Variants in PRDM4 observed in about 807,000 individuals in gnomAD.
PRDM4 encodes the protein PR domain zinc finger protein 4.
In PRDM4, 38 loss-of-function variants were observed where a neutral mutation model predicts 62.3. The observed-to-expected ratio is 0.61, with a 90% CI of 0.47 to 0.80. PRDM4 has a LOEUF of 0.80. PRDM4 is among the 30% of genes least tolerant of loss of function. The pLI, the probability that PRDM4 is intolerant of heterozygous loss-of-function variation, is 0.00. For synonymous variants in PRDM4, 339 were observed against 348.2 expected (o/e 0.97, Z 0.30); for missense variants, 858 against 997.1 (o/e 0.86, Z 1.88).
At chr12:107,736,393 A>C (rs1890330208) in intron 11 of PRDM4, among the ~76,000 whole-genome samples, 2 of 152,206 alleles carry the variant, frequency 1.3e-5, no homozygotes. Context: ...GGAGGGAAGA[A>C]GACATGCAGG....
chr12:107,743,885 T>A (rs181706780), intron 7 of PRDM4, among the ~76,000 whole-genome samples: 2 of 152,156 alleles, frequency 1.3e-5, no homozygotes, highest in East Asian at 3.9e-4. Flanking sequence ...GAGGCTGAGG[T>A]GGGCAGATCA....
At chr12:107,756,714 G>A in intron 3 of PRDM4, 118 bp downstream of exon 3, 1 of 1,243,632 alleles carries the variant, frequency 8.0e-7, no homozygotes, top group African/African-American at 1.5e-5. Flanking sequence ...ATTCAGGCCT[G>A]CTTACCTTCT....
chr12:107,751,415 A>C lies in PRDM4; in HGVS notation c.1126T>G (p.Trp376Gly). The C allele has an allele frequency of 6.2e-7, 1 of 1,601,398 alleles. No individual in the cohort carries two copies. Among genetic ancestry groups the C allele is most frequent in the Non-Finnish European group, 8.6e-7 (1 of 1,169,324 alleles). ...KENMATLFTI[W>G]CTLCDRAYPS... ...AAAAAGAAAGGCTAAACACACTCAC[A>C]AATTGTAAACAAGGTTGCCATGTTC... Residue 376 changes from tryptophan (W) to glycine (G), a missense_variant and splice_region_variant, in exon 5 of 12, where the codon TGG (tryptophan) becomes GGG (glycine). Transcript: ENST00000228437.
chr12:107,743,773 A>C (rs991344965), intron 7 of PRDM4, among the ~76,000 whole-genome samples: 1 of 152,222 alleles, frequency 6.6e-6, no homozygotes, highest in East Asian at 1.9e-4. Flanking sequence ...CATCATTCCC[A>C]ATAGATATCT....
chr12:107,744,521 G>A (rs1372560194), intron 7 of PRDM4, 22 bp downstream of exon 7: 1 of 1,598,330 alleles, frequency 6.3e-7, no homozygotes. Flanking sequence ...AAAAGCCACA[G>A]AAAAGTTTCA....
chr12:107,742,992 C>A (rs935879468), intron 8 of PRDM4, among the ~76,000 whole-genome samples: 1 of 152,106 alleles, frequency 6.6e-6, no homozygotes, highest in Non-Finnish European at 1.5e-5. Context: ...GTCTCGAACT[C>A]CTGGCCTCAA....
intron 3 of PRDM4, chr12:107,754,766 A>C (rs1005791752): frequency 3.3e-5 from 5 of 152,224 alleles, no homozygotes; most frequent in African/African-American, 1.2e-4. Flanking sequence ...TGTTCATAGG[A>C]GTAGTCCCTA....
At chr12:107,755,938 T>C (rs1454992391) in intron 3 of PRDM4, among the ~76,000 whole-genome samples, 1 of 151,956 alleles carries the variant, frequency 6.6e-6, no homozygotes, top group Non-Finnish European at 1.5e-5. Flanking sequence ...TACAAAAAAT[T>C]AGTTGAGCAT....
chr12:107,745,387 T>C (rs915542123), intron 6 of PRDM4, among the ~76,000 whole-genome samples: 6 of 152,050 alleles, frequency 3.9e-5, no homozygotes, highest in African/African-American at 1.4e-4. Context: ...CATAGTGAGA[T>C]GCTGTCTCTA....
chr12:107,739,713 A>G, intron 10 of PRDM4, 162 bp from the exon 11 acceptor site: 1 of 571,366 alleles, frequency 1.8e-6, no homozygotes, highest in Non-Finnish European at 2.9e-6. Context: ...ACCACTCAAG[A>G]GCTCCTGAGT....
At chr12:107,739,965 T>A (rs1289023199) in intron 10 of PRDM4, among the ~76,000 whole-genome samples, 1 of 151,598 alleles carries the variant, frequency 6.6e-6, no homozygotes, top group African/African-American at 2.4e-5. Context: ...TTAAAACATA[T>A]AATATTGCCT....
chr12:107,739,616 G>A, intron 10 of PRDM4, 65 bp from the exon 11 acceptor site: 1 of 1,488,428 alleles, frequency 6.7e-7, no homozygotes, highest in Non-Finnish European at 9.2e-7. Flanking sequence ...AGACACACAG[G>A]CACACATATG....
At chr12:107,741,435 C>T (rs1184306237) in intron 9 of PRDM4, among the ~76,000 whole-genome samples, 175 bp from the exon 10 acceptor site, 2 of 152,058 alleles carry the variant, frequency 1.3e-5, no homozygotes, top group Non-Finnish European at 2.9e-5. Flanking sequence ...ATGGGCCAGG[C>T]ACAGTGGCTC....
rs746509765 is a variant in PRDM4 at position 107,751,477 on chromosome 12, G to A, written c.1064C>T (p.Pro355Leu). ...VSSDSLSFVS[P>L]SLQMEDSNSN... The stretch of plus-strand genomic sequence containing the variant: ...ATTGGAGTCTTCCATTTGCAGTGAA[G>A]GTGATACAAAAGAAAGACTGTCTGA... Residue 355 changes from proline to leucine, a missense_variant, in exon 5 of 12, where the codon CCT becomes CTT. Pro to Leu is a moderately conservative substitution (Grantham distance 98). Transcript: ENST00000228437. 16 of 1,614,000 alleles carry A rather than the reference G, an allele frequency of 9.9e-6. No individual in the cohort carries two copies. Among genetic ancestry groups the A allele is most frequent in the Non-Finnish European group, 1.4e-5 (16 of 1,179,850 alleles).
intron 5 of PRDM4, among the ~76,000 whole-genome samples, chr12:107,747,090 T>C (rs1890731967): frequency 6.6e-6 from 1 of 151,994 alleles, no homozygotes; most frequent in African/African-American, 2.4e-5. Flanking sequence ...AAGACCAGCC[T>C]GGGGTAACAC....
At position 107,740,933 on chromosome 12, in the gene PRDM4, C is replaced by T. The variant is rs374074371; in HGVS notation, c.1924+13G>A. The T allele has an allele frequency of 6.2e-7, 1 of 1,604,900 alleles. No homozygotes were observed. The highest frequency in any genetic ancestry group is 8.5e-7 in the Non-Finnish European group (1 of 1,173,676). On this transcript the variant is annotated intron_variant, in intron 10 of 11. Transcript: ENST00000228437. The stretch of plus-strand genomic sequence containing the variant: ...TTGCAAAAATTCCATTCTGATGGGC[C>T]AACACAACTTACCTGTATGTATCTT...
rs1333862350 is a variant in PRDM4, at chr12:107,733,380, C to T, written c.*830G>A. 1 of 134,992 alleles carries T rather than the reference C, an allele frequency of 7.4e-6. No individual in the cohort carries two copies. The highest frequency in any genetic ancestry group is 1.8e-5 in the Non-Finnish European group (1 of 56,360). The allele number at this position is 134,992 out of a possible 1,614,324, so 8.4% of individuals were successfully genotyped here. On this transcript the variant is annotated 3_prime_UTR_variant, in exon 12 of 12. Transcript: ENST00000228437. Reference sequence around the variant, plus strand: ...CACATGTACTCATCAGGAGACAATCCAGCAGGCATTATTTGGGCTCTCTGT... The same window carrying T: ...CACATGTACTCATCAGGAGACAATCTAGCAGGCATTATTTGGGCTCTCTGT...
chr12:107,748,836 T>G (rs1211959965), intron 5 of PRDM4, among the ~76,000 whole-genome samples: 2 of 152,174 alleles, frequency 1.3e-5, no homozygotes, highest in Non-Finnish European at 2.9e-5. Flanking sequence ...TATATCTCAT[T>G]ATAAACCACA....
rs779386897 is a variant in PRDM4 at position 107,741,234 on chromosome 12, G to T, written c.1636C>A (p.Leu546Ile). 2.5e-6 allele frequency: 4 copies of T among 1,612,652 alleles called. No individual in the cohort carries two copies. The highest frequency in any genetic ancestry group is 1.3e-5 in the African/African-American group (1 of 75,004). ...TTGCACTCCTTGCCACAGTTACAGA[G>T]ATGCACATCTGGGTGTTCAGGAACA... is the stretch of plus-strand genomic sequence containing the variant. ...IGVPEHPDVH[L>I]CNCGKECNSY... is the part of the protein sequence containing the mutation. The change falls in exon 10 of 12, where the codon CTC becomes ATC. Residue 546 changes from leucine (L) to isoleucine (I), a missense_variant. By Grantham distance (5) the Leu-to-Ile change is conservative (BLOSUM62 2). This residue lies in a region of PRDM4 where 355 missense variants were observed against 432.6 expected (regional missense o/e 0.82). Transcript: ENST00000228437.
Sources: allele counts gnomAD v4.1 joint callset (sites outside exome capture counted in the v4.1 genomes callset), GRCh38; gene constraint gnomAD v4.1.1; regional missense constraint gnomAD v4.1.1; transcripts MANE v1.5; gene names NCBI Gene and HGNC (gene_info 2026-07-23, HGNC 2026-07-21).